The following CHCHD3 variants were observed in gnomAD, a reference collection of about 807,000 sequenced individuals.
The protein encoded by CHCHD3 is coiled-coil-helix-coiled-coil-helix domain containing 3.
In CHCHD3, 20 loss-of-function variants were observed where a neutral mutation model predicts 38.2. The ratio of observed to expected loss-of-function variants is 0.52; its 90% CI spans 0.37 to 0.76. The LOEUF is 0.76. Among genes scored for constraint, CHCHD3 ranks in the 30% least tolerant of loss-of-function variants. The probability of loss-of-function intolerance (pLI) is 0.00; values close to 1 mark genes in which losing one functional copy is unlikely to be tolerated. For missense variants in CHCHD3, 245 were observed against 279.2 expected (o/e 0.88, Z 0.87); for synonymous variants, 82 against 100.0 (o/e 0.82, Z 1.07).
chr7:132,857,556 C>T (rs968674261), intron 5 of CHCHD3, among the ~76,000 whole-genome samples: 5 of 152,096 alleles, frequency 3.3e-5, no homozygotes, highest in South Asian at 4.1e-4. Context: ...GACAGACACC[C>T]GCCACCACCC....
chr7:133,080,800 A>C (rs528570963), intron 1 of CHCHD3, among the ~76,000 whole-genome samples: 141 of 152,352 alleles, frequency 9.3e-4, no homozygotes, highest in Non-Finnish European at 1.6e-3. Flanking sequence ...TCAGAAGAAA[A>C]AGTTTTTAAA....
intron 3 of CHCHD3, chr7:133,022,264 G>A (rs1813201606): frequency 2.7e-6 from 1 of 366,844 alleles, no homozygotes; most frequent in African/African-American, 2.1e-5. Flanking sequence ...TTGAGAACTG[G>A]TCAACAGGTT....
rs1049720082 is a variant in CHCHD3, at chr7:132,882,486, T to C, written c.453+3176A>G. 3.1e-4 allele frequency among the ~76,000 whole-genome samples: 12 copies of C among 39,018 alleles called. No individual in the cohort carries two copies. The East Asian group carries it at 5.8e-3, about 19-fold the overall frequency. 25.6% of individuals were successfully genotyped at this position (39,018 alleles called of 152,430 possible). On this transcript the variant is annotated intron_variant, in intron 5 of 7. Coordinates refer to ENST00000262570, the MANE Select transcript of CHCHD3 (RefSeq NM_017812.4). Reference sequence around the variant, plus strand: ...CTATATATATATATATATATATATATATATATATATATATTCACAATAATT... The same window carrying C: ...CTATATATATATATATATATATATACATATATATATATATTCACAATAATT...
At chr7:132,863,479 G>A (rs1483632271) in intron 5 of CHCHD3, among the ~76,000 whole-genome samples, 1 of 152,198 alleles carries the variant, frequency 6.6e-6, no homozygotes, top group Non-Finnish European at 1.5e-5. Flanking sequence ...AGTTGACTTA[G>A]CATAATTCTG....
At chr7:132,968,208 T>C (rs920610951) in intron 4 of CHCHD3, among the ~76,000 whole-genome samples, 1 of 152,160 alleles carries the variant, frequency 6.6e-6, no homozygotes, top group Non-Finnish European at 1.5e-5. Context: ...GAAAACAGAA[T>C]CTGGATACTT....
chr7:132,904,218 G>A (rs987296742), intron 4 of CHCHD3, among the ~76,000 whole-genome samples: 2 of 151,852 alleles, frequency 1.3e-5, no homozygotes, highest in South Asian at 2.1e-4. Flanking sequence ...CTATGATCAT[G>A]CCACTGTACT....
chr7:132,943,670 T>TA (rs1810826586), intron 4 of CHCHD3, among the ~76,000 whole-genome samples: 1 of 152,092 alleles, frequency 6.6e-6, no homozygotes, highest in Non-Finnish European at 1.5e-5. Flanking sequence ...ATATAGTTAC[T>TA]ATAAAAGGAA....
At chr7:132,840,625 A>G (rs1807916885) in intron 5 of CHCHD3, among the ~76,000 whole-genome samples, 1 of 152,212 alleles carries the variant, frequency 6.6e-6, no homozygotes, top group South Asian at 2.1e-4. Flanking sequence ...AAGAAATCAA[A>G]TAAGATAGGC....
At chr7:132,896,669 A>G (rs763878744) in intron 4 of CHCHD3, among the ~76,000 whole-genome samples, 7 of 152,246 alleles carry the variant, frequency 4.6e-5, no homozygotes, top group Non-Finnish European at 1.0e-4. Context: ...ATCTTCTCTA[A>G]TGACAATGGC....
chr7:132,884,579 A>T (rs937273040), intron 5 of CHCHD3, among the ~76,000 whole-genome samples: 3 of 152,158 alleles, frequency 2.0e-5, no homozygotes, highest in African/African-American at 4.8e-5. Context: ...AACTGTACTG[A>T]GTGAGGGTTA....
At chr7:132,837,095 A>G (rs1238304442) in intron 6 of CHCHD3, among the ~76,000 whole-genome samples, 1 of 152,200 alleles carries the variant, frequency 6.6e-6, no homozygotes, top group East Asian at 1.9e-4. Context: ...CTAAAAAGTC[A>G]TCTTCTTTAT....
intron 3 of CHCHD3, among the ~76,000 whole-genome samples, chr7:133,022,832 T>G (rs752580273): frequency 7.6e-6 from 1 of 131,564 alleles, no homozygotes; most frequent in African/African-American, 2.9e-5. Context: ...GCAGAGCAAA[T>G]GGAAGCTGAA....
intron 2 of CHCHD3, among the ~76,000 whole-genome samples, chr7:133,060,926 C>CA (rs1218529603): frequency 6.6e-6 from 1 of 151,960 alleles, no homozygotes; most frequent in Non-Finnish European, 1.5e-5. Context: ...TAAAAAAACT[C>CA]AAAAGGATAA....
rs191616962 is a variant in CHCHD3, at chr7:133,056,484, C to T, written c.169+13658G>A. On this transcript the variant is annotated intron_variant, in intron 2 of 7. Transcript: ENST00000262570. The stretch of plus-strand genomic sequence containing the variant: ...TCACCACCCCTTTCCTGAAGTCTGC[C>T]CTGACCGCCCTATGCAGAGTTAGTC... Among the ~76,000 whole-genome samples, 3 of 152,278 alleles carry T rather than the reference C, an allele frequency of 2.0e-5. No individual in the cohort carries two copies. The East Asian group carries it at 5.8e-4, about 29-fold the overall frequency.
chr7:133,076,779 A>C (rs1025266285), intron 1 of CHCHD3, among the ~76,000 whole-genome samples: 5 of 152,242 alleles, frequency 3.3e-5, no homozygotes, highest in African/African-American at 1.2e-4. Flanking sequence ...ACAGAGTAAA[A>C]AAAGAGGAAT....
At chr7:132,915,839 AATGTTT>A (rs1810089543) in intron 4 of CHCHD3, among the ~76,000 whole-genome samples, 1 of 152,082 alleles carries the variant, frequency 6.6e-6, no homozygotes, top group Non-Finnish European at 1.5e-5. Context: ...CTTCTTCGTT[AATGTTT>A]AACTTTGTGA....
intron 5 of CHCHD3, among the ~76,000 whole-genome samples, chr7:132,852,746 A>G (rs1808248261): frequency 6.6e-6 from 1 of 152,180 alleles, no homozygotes; most frequent in Non-Finnish European, 1.5e-5. Flanking sequence ...GTGAGGAAGG[A>G]GAAGTGTTGG....
At chr7:132,791,650 A>G (rs10259095) in intron 7 of CHCHD3, among the ~76,000 whole-genome samples, 18,087 of 152,266 alleles carry the variant, frequency 0.12, 1,224 homozygotes, top group Middle Eastern at 0.17. Context: ...ATATAAATAC[A>G]GTTCACCGGG....
chr7:133,032,046 A>C (rs1813518761), intron 2 of CHCHD3, among the ~76,000 whole-genome samples: 1 of 152,206 alleles, frequency 6.6e-6, no homozygotes. Context: ...TTACAGGATA[A>C]ATCTTGTCCT....
Sources: allele counts gnomAD v4.1 joint callset (sites outside exome capture counted in the v4.1 genomes callset), GRCh38; gene constraint gnomAD v4.1.1; transcripts MANE v1.5; gene names NCBI Gene and HGNC (gene_info 2026-07-23, HGNC 2026-07-21).